The following PCDH7 variants were observed in gnomAD, a reference collection of about 807,000 sequenced individuals.
PCDH7 encodes the protein protocadherin 7, also known as protocadherin-7.
Under a neutral mutation model 58.9 loss-of-function variants are expected in PCDH7, and 17 were observed. That is an observed-to-expected ratio of 0.29 (90% CI 0.20 to 0.43). PCDH7 has a LOEUF of 0.43. Ranked by LOEUF, PCDH7 falls within the 20% of genes least tolerant of loss-of-function variation. The pLI is 1.00. For synonymous variants in PCDH7, 664 were observed against 616.4 expected (o/e 1.08, Z -1.14); for missense variants, 1,274 against 1,441.0 (o/e 0.88, Z 1.88).
chr4:30,740,824 T>A (rs192176390), intron 1 of PCDH7, among the ~76,000 whole-genome samples: 2 of 152,226 alleles, frequency 1.3e-5, no homozygotes, highest in East Asian at 1.9e-4. Flanking sequence ...AACAGTTTTT[T>A]AAAAAATATC....
chr4:30,925,680 G>A (rs1265929357), intron 2 of PCDH7: 2 of 152,034 alleles, frequency 1.3e-5, no homozygotes, highest in Admixed American at 6.5e-5. Context: ...TACCTCCCAA[G>A]TATCCCCCAA....
chr4:30,750,853 T>A (rs1027914245), intron 1 of PCDH7, among the ~76,000 whole-genome samples: 2 of 152,154 alleles, frequency 1.3e-5, no homozygotes, highest in African/African-American at 4.8e-5. Flanking sequence ...AGCATTTATA[T>A]ATAAAGTACT....
intron 3 of PCDH7, among the ~76,000 whole-genome samples, chr4:31,023,289 C>A (rs918241895): frequency 1.3e-5 from 2 of 152,126 alleles, no homozygotes; most frequent in Non-Finnish European, 2.9e-5. Flanking sequence ...TTAAAGAGGT[C>A]TGGAGGTTGT....
chr4:30,915,779 C>A (rs1742382212), intron 1 of PCDH7, among the ~76,000 whole-genome samples: 1 of 152,110 alleles, frequency 6.6e-6, no homozygotes, highest in African/African-American at 2.4e-5. Context: ...ACCTCAGCCT[C>A]CCAAAAGTGC....
intron 3 of PCDH7, among the ~76,000 whole-genome samples, chr4:31,005,509 A>C (rs1411681346): frequency 6.6e-6 from 1 of 152,208 alleles, no homozygotes; most frequent in Non-Finnish European, 1.5e-5. Flanking sequence ...TGTGTGAAAA[A>C]AAAGATAAAA....
chr4:30,982,965 G>A (rs1750691831), intron 3 of PCDH7, among the ~76,000 whole-genome samples: 1 of 152,128 alleles, frequency 6.6e-6, no homozygotes, highest in African/African-American at 2.4e-5. Flanking sequence ...AACTGCAGTT[G>A]GGATCTGACA....
rs543939779 is a variant in PCDH7 at position 30,919,902 on chromosome 4, T to C, written c.71-251T>C. Among the ~76,000 whole-genome samples the C allele has an allele frequency of 2.6e-5, 4 of 152,270 alleles. No individual in the cohort carries two copies. The South Asian group carries it at 8.3e-4, about 32-fold the overall frequency. On this transcript the variant is annotated intron_variant, in intron 1 of 3. Coordinates refer to the PCDH7 transcript ENST00000509759. ...AACTAACATATCAGATTTAAATGTATGTTTTAGTGAAATTACTGTTTTTTT... is the reference window on the plus strand; with the variant it reads ...AACTAACATATCAGATTTAAATGTACGTTTTAGTGAAATTACTGTTTTTTT...
intron 1 of PCDH7, among the ~76,000 whole-genome samples, chr4:30,750,023 A>G (rs1718300795): frequency 1.3e-5 from 2 of 152,200 alleles, no homozygotes; most frequent in Admixed American, 1.3e-4. Flanking sequence ...AAAGGTATTT[A>G]TATCTAGTGG....
At chr4:30,941,116 A>G (rs2109436161) in intron 2 of PCDH7, among the ~76,000 whole-genome samples, 1 of 152,038 alleles carries the variant, frequency 6.6e-6, no homozygotes, top group Admixed American at 6.6e-5. Flanking sequence ...ATTTTAAAAA[A>G]ATTTTAGTAA....
At position 31,052,637 on chromosome 4, in the gene PCDH7, A is replaced by T. The variant is rs188051329; in HGVS notation, c.*8-89836A>T. ...TAGTAAGTGACTGGAAGTCAGAAAA[A>T]TCATACCAAGCACAAGTGATCCTGA... is the stretch of plus-strand genomic sequence containing the variant. On this transcript the variant is annotated intron_variant, in intron 3 of 3. Transcript: ENST00000509759. Among the ~76,000 whole-genome samples, 5 of 152,290 alleles carry T rather than the reference A, an allele frequency of 3.3e-5. No homozygotes were observed. In the East Asian group the frequency reaches 9.7e-4, roughly 29 times the overall value.
chr4:31,144,326 T>C (rs191973608), downstream of PCDH7: 2 of 152,312 alleles, frequency 1.3e-5, no homozygotes, highest in East Asian at 1.9e-4. Context: ...AGAATGTATA[T>C]CTCAAAGGTG....
At chr4:30,766,731 A>G (rs1720802749) in intron 1 of PCDH7, among the ~76,000 whole-genome samples, 1 of 152,026 alleles carries the variant, frequency 6.6e-6, no homozygotes, top group African/African-American at 2.4e-5. Context: ...AGCAAGAACA[A>G]AGTATTTTCT....
chr4:31,139,685 G>A (rs1417166341), intron 3 of PCDH7, among the ~76,000 whole-genome samples: 2 of 152,076 alleles, frequency 1.3e-5, no homozygotes, highest in South Asian at 4.1e-4. Context: ...AAGTTGCATC[G>A]TAATACAGAT....
intron 3 of PCDH7, among the ~76,000 whole-genome samples, chr4:30,984,780 C>A (rs1750835225): frequency 6.6e-6 from 1 of 151,868 alleles, no homozygotes; most frequent in African/African-American, 2.4e-5. Context: ...TAGAATGTGG[C>A]AAAGGAAGGT....
At chr4:30,812,191 A>G (rs987964554) in intron 1 of PCDH7, among the ~76,000 whole-genome samples, 1 of 152,204 alleles carries the variant, frequency 6.6e-6, no homozygotes, top group African/African-American at 2.4e-5. Flanking sequence ...TTACCATTGT[A>G]TAACTCTTGA....
intron 1 of PCDH7, among the ~76,000 whole-genome samples, chr4:30,806,439 G>A (rs1726222009): frequency 6.6e-6 from 1 of 151,908 alleles, no homozygotes; most frequent in Admixed American, 6.6e-5. Context: ...CGAGCAGCTG[G>A]GACTAGGTGC....
chr4:30,753,871 G>A (rs546385692), intron 1 of PCDH7, among the ~76,000 whole-genome samples: 1 of 152,184 alleles, frequency 6.6e-6, no homozygotes, highest in Non-Finnish European at 1.5e-5. Flanking sequence ...GATATTGGAA[G>A]AGAAAAACAT....
At chr4:30,955,217 A>G (rs984167416) in intron 3 of PCDH7, among the ~76,000 whole-genome samples, 2 of 152,084 alleles carry the variant, frequency 1.3e-5, no homozygotes, top group African/African-American at 2.4e-5. Flanking sequence ...GGTTGAGGAG[A>G]GGACAGCCTC....
intron 1 of PCDH7, among the ~76,000 whole-genome samples, chr4:30,752,783 C>CAAAAAAAAAAAAAA (rs35860745): frequency 1.0e-5 from 1 of 99,556 alleles, no homozygotes; most frequent in Non-Finnish European, 2.0e-5. Flanking sequence ...CCTGTAGGGG[C>CAAAAAAAAAAAAAA]AAAAAAAAAA....
Sources: gnomAD v4.1 joint callset for allele counts (sites outside exome capture counted in the v4.1 genomes callset) on GRCh38, gnomAD v4.1.1 for gene constraint, MANE v1.5 for transcripts, NCBI Gene and HGNC (gene_info 2026-07-23, HGNC 2026-07-21) for gene names.